Variants in CAMKMT observed in about 807,000 individuals in gnomAD.
The protein encoded by CAMKMT is CaM KMT.
A neutral mutation model predicts 48.0 loss-of-function variants in CAMKMT; 53 were observed. The observed-to-expected ratio is 1.10, with a 90% CI of 0.89 to 1.39. The LOEUF is 1.39. Among genes scored for constraint, CAMKMT ranks in the 40% most tolerant of loss-of-function variants. The pLI is 0.00. For missense variants in CAMKMT, 428 were observed against 402.7 expected (o/e 1.06, Z -0.54); for synonymous variants, 165 against 152.3 (o/e 1.08, Z -0.61).
At chr2:44,707,799 G>A (rs551138938) in intron 6 of CAMKMT, among the ~76,000 whole-genome samples, 1 of 152,108 alleles carries the variant, frequency 6.6e-6, no homozygotes, top group South Asian at 2.1e-4. Context: ...AAATTATTTG[G>A]TATTTATTGT....
chr2:44,472,555 A>G (rs148309610), intron 3 of CAMKMT, among the ~76,000 whole-genome samples: 1 of 152,334 alleles, frequency 6.6e-6, no homozygotes, highest in Non-Finnish European at 1.5e-5. Flanking sequence ...CAAATATTCC[A>G]TATATCCTCT....
chr2:44,521,087 A>G (rs1671083393), intron 3 of CAMKMT, among the ~76,000 whole-genome samples: 2 of 152,202 alleles, frequency 1.3e-5, no homozygotes. Context: ...CATGGGAATA[A>G]TATCAGCACA....
At chr2:44,535,687 A>G (rs1425614840) in intron 3 of CAMKMT, among the ~76,000 whole-genome samples, 1 of 152,170 alleles carries the variant, frequency 6.6e-6, no homozygotes, top group Non-Finnish European at 1.5e-5. Context: ...AAAATTCAGC[A>G]CCCATTCATA....
chr2:44,568,439 A>G (rs1481272834), intron 3 of CAMKMT, among the ~76,000 whole-genome samples: 1 of 152,210 alleles, frequency 6.6e-6, no homozygotes, highest in Non-Finnish European at 1.5e-5. Flanking sequence ...GGGCAGAAAT[A>G]TGAGTATTCC....
chr2:44,594,505 C>A (rs1670527125), intron 3 of CAMKMT, among the ~76,000 whole-genome samples: 1 of 152,130 alleles, frequency 6.6e-6, no homozygotes, highest in Admixed American at 6.5e-5. Flanking sequence ...AGAAATAACA[C>A]CACACATCTA....
At chr2:44,670,299 G>A (rs945711580) in intron 3 of CAMKMT, among the ~76,000 whole-genome samples, 1 of 152,060 alleles carries the variant, frequency 6.6e-6, no homozygotes, top group Non-Finnish European at 1.5e-5. Flanking sequence ...CACAGACTGG[G>A]CTGGGTGTGG....
intron 3 of CAMKMT, chr2:44,631,421 A>G (rs970574335): frequency 1.8e-6 from 1 of 553,004 alleles, no homozygotes; most frequent in Non-Finnish European, 3.1e-6. Flanking sequence ...ATAATAATAA[A>G]AAAGAAAGGA....
intron 3 of CAMKMT, among the ~76,000 whole-genome samples, chr2:44,460,937 G>A (rs973023411): frequency 6.6e-6 from 1 of 151,904 alleles, no homozygotes; most frequent in African/African-American, 2.4e-5. Flanking sequence ...TGGCCAGGCT[G>A]GTCTCGAACT....
At chr2:44,468,899 C>G (rs1572584689) in intron 3 of CAMKMT, among the ~76,000 whole-genome samples, 1 of 151,966 alleles carries the variant, frequency 6.6e-6, no homozygotes, top group East Asian at 1.9e-4. Context: ...GCCTGGATGA[C>G]AGAGTGTGAG....
At chr2:44,714,712 T>C (rs985349924) in intron 6 of CAMKMT, among the ~76,000 whole-genome samples, 4 of 152,060 alleles carry the variant, frequency 2.6e-5, no homozygotes, top group Non-Finnish European at 5.9e-5. Context: ...TTTAAGCAAG[T>C]AGGACATGGC....
chr2:44,452,861 C>T (rs1187795387), intron 3 of CAMKMT, among the ~76,000 whole-genome samples: 1 of 151,916 alleles, frequency 6.6e-6, no homozygotes, highest in Admixed American at 6.6e-5. Flanking sequence ...TATCCTGCAG[C>T]CATTATTGGA....
chr2:44,402,590 T>A (rs1258697081), intron 3 of CAMKMT, among the ~76,000 whole-genome samples: 1 of 151,878 alleles, frequency 6.6e-6, no homozygotes, highest in Non-Finnish European at 1.5e-5. Context: ...GTTTAGAAAG[T>A]CATATTTTTC....
chr2:44,392,578 G>C (rs1483293683), intron 3 of CAMKMT, among the ~76,000 whole-genome samples: 1 of 151,880 alleles, frequency 6.6e-6, no homozygotes, highest in Non-Finnish European at 1.5e-5. Context: ...CTTTGTCATA[G>C]CCCAATATAA....
At chr2:44,650,675 T>A (rs1043636138) in intron 3 of CAMKMT, among the ~76,000 whole-genome samples, 6 of 152,234 alleles carry the variant, frequency 3.9e-5, no homozygotes, top group Non-Finnish European at 7.3e-5. Flanking sequence ...GAAGAAAGTT[T>A]AAAAATCCAG....
chr2:44,445,164 G>C (rs1478598917), intron 3 of CAMKMT, among the ~76,000 whole-genome samples: 1 of 152,154 alleles, frequency 6.6e-6, no homozygotes, highest in Non-Finnish European at 1.5e-5. Flanking sequence ...ACAGTAGCAG[G>C]GATAGAGACA....
chr2:44,657,397 T>C lies in CAMKMT; in HGVS notation c.377-46886T>C, dbSNP rs774810771. On this transcript the variant is annotated intron_variant, in intron 3 of 10. Transcript: ENST00000378494. The surrounding 1 kb of genome is among the most constrained non-coding windows in gnomAD (Gnocchi z 4.3). Reference sequence around the variant, plus strand: ...TCTTAGCATTGAGGATCCCCATGAATATTGTGAACCTGAAGTTCAGAATGA... The same window carrying C: ...TCTTAGCATTGAGGATCCCCATGAACATTGTGAACCTGAAGTTCAGAATGA... Among the ~76,000 whole-genome samples, 2 of 152,148 alleles carry C rather than the reference T, an allele frequency of 1.3e-5. No individual in the cohort carries two copies. Among genetic ancestry groups the C allele is most frequent in the East Asian group, 3.8e-4 (2 of 5,196 alleles).
rs189142312 is a variant in CAMKMT, at chr2:44,481,181, A to G, written c.376+90876A>G. On this transcript the variant is annotated intron_variant, in intron 3 of 10. Coordinates refer to ENST00000378494, the MANE Select transcript of CAMKMT (RefSeq NM_024766.5). ...CTGGGAACCTCACATGCTCTTAGTA[A>G]TTATTTTGTGCATTGTCAGCTACTG... Among the ~76,000 whole-genome samples the G allele has an allele frequency of 5.9e-5, 9 of 152,232 alleles. No individual in the cohort carries two copies. The East Asian group carries it at 1.3e-3, about 23-fold the overall frequency.
At chr2:44,548,807 G>A (rs1213860377) in intron 3 of CAMKMT, among the ~76,000 whole-genome samples, 1 of 152,140 alleles carries the variant, frequency 6.6e-6, no homozygotes. Flanking sequence ...ACAAGGAGCT[G>A]AATTTTGCCA....
At chr2:44,605,465 A>G (rs1671231569) in intron 3 of CAMKMT, among the ~76,000 whole-genome samples, 1 of 152,164 alleles carries the variant, frequency 6.6e-6, no homozygotes, top group South Asian at 2.1e-4. Flanking sequence ...CACACTGCAT[A>G]ATATGTCTAC....
Sources: gnomAD v4.1 joint callset for allele counts (sites outside exome capture counted in the v4.1 genomes callset) on GRCh38, gnomAD v4.1.1 for gene constraint, Gnocchi (gnomAD v3.1) non-coding constraint, MANE v1.5 for transcripts, NCBI Gene and HGNC (gene_info 2026-07-23, HGNC 2026-07-21) for gene names.